Variants in ERAP1 observed in about 807,000 individuals in gnomAD.
The protein encoded by ERAP1 is adipocyte-derived leucine aminopeptidase.
In ERAP1, 86 loss-of-function variants were observed where a neutral mutation model predicts 103.7. The observed-to-expected ratio is 0.83, with a 90% CI of 0.70 to 0.99. The LOEUF (loss-of-function observed/expected upper bound fraction) is 0.99. Among genes scored for constraint, ERAP1 ranks in the 50% least tolerant of loss-of-function variants. The pLI is 0.00. For missense variants in ERAP1, 1,009 were observed against 1,128.4 expected, an observed-to-expected ratio of 0.89 and a Z score of 1.52; for synonymous variants, 398 against 402.4, an observed-to-expected ratio of 0.99 and a Z score of 0.13.
At chr5:96,903,384 G>A in the ERAP1 span, 1 of 1,611,648 alleles carries the variant, frequency 6.2e-7, no homozygotes. Flanking sequence ...TAGATACTCT[G>A]GATCTACCTG....
At chr5:96,786,670 A>G (rs1776045368) in intron 11 of ERAP1, 121 bp from the exon 12 acceptor site, 2 of 683,024 alleles carry the variant, frequency 2.9e-6, no homozygotes, top group Non-Finnish European at 5.3e-6. Context: ...AAACTGCTAC[A>G]GCCAAGCTCT....
chr5:96,893,503 G>C, the ERAP1 span, among the ~76,000 whole-genome samples: 1 of 152,140 alleles, frequency 6.6e-6, no homozygotes, highest in African/African-American at 2.4e-5. Flanking sequence ...TAGGTGTTTT[G>C]ATCATGAGTC....
chr5:96,901,188 G>GTTTT, the ERAP1 span, among the ~76,000 whole-genome samples: 70,465 of 147,150 alleles, frequency 0.48, 16,617 homozygotes, highest in East Asian at 0.55. Flanking sequence ...TTGTTTGTTT[G>GTTTT]ATTTTGTTTG....
At chr5:96,930,650 C>A in the ERAP1 span, among the ~76,000 whole-genome samples, 1 of 152,120 alleles carries the variant, frequency 6.6e-6, no homozygotes, top group Non-Finnish European at 1.5e-5. Context: ...CTTTTCCTTT[C>A]TGAATGGAAA....
the ERAP1 span, among the ~76,000 whole-genome samples, chr5:96,829,315 T>C: frequency 1.3e-5 from 2 of 152,222 alleles, no homozygotes; most frequent in African/African-American, 4.8e-5. Flanking sequence ...ATATGATTAC[T>C]TATAAGATCG....
the ERAP1 span, among the ~76,000 whole-genome samples, chr5:96,825,832 C>T: frequency 6.8e-6 from 1 of 146,036 alleles, no homozygotes; most frequent in Non-Finnish European, 1.5e-5. Context: ...TCATAAGATG[C>T]CATCAATTTC....
At chr5:96,767,884 G>C (rs1291643752) in intron 19 of ERAP1, 1 of 1,521,610 alleles carries the variant, frequency 6.6e-7, no homozygotes, top group Non-Finnish European at 9.1e-7. Flanking sequence ...CTTCACTGAT[G>C]GTTATTTCTA....
At chr5:96,833,666 T>C in the ERAP1 span, among the ~76,000 whole-genome samples, 2 of 151,898 alleles carry the variant, frequency 1.3e-5, no homozygotes, top group Admixed American at 6.6e-5. Context: ...AGCATGGTGG[T>C]GCGTGCCTGT....
At chr5:96,889,389 T>C in the ERAP1 span, 2 of 1,460,240 alleles carry the variant, frequency 1.4e-6, no homozygotes, top group Non-Finnish European at 1.9e-6. Flanking sequence ...TTCTATGTGA[T>C]TTAAATGAGC....
chr5:96,878,768 A>C, the ERAP1 span, among the ~76,000 whole-genome samples: 1 of 152,190 alleles, frequency 6.6e-6, no homozygotes, highest in South Asian at 2.1e-4. Flanking sequence ...TCTCTACTAA[A>C]AATACAAAAA....
At chr5:96,845,700 C>T in the ERAP1 span, among the ~76,000 whole-genome samples, 1 of 126,486 alleles carries the variant, frequency 7.9e-6, no homozygotes, top group Non-Finnish European at 1.8e-5. Context: ...TCTGCAATTT[C>T]CTGTATGATC....
At position 96,780,428 on chromosome 5, in the gene ERAP1, C is replaced by CA. The variant is rs751633504; in HGVS notation, c.2664dup (p.Glu889Ter). 14 of 1,599,470 alleles carry CA rather than the reference C, an allele frequency of 8.8e-6. No homozygotes were observed. Among genetic ancestry groups the CA allele is most frequent in the Admixed American group, 1.7e-5 (1 of 58,774 alleles). On this transcript the variant is annotated frameshift_variant, in exon 18 of 19. Transcript: ENST00000443439. LOFTEE classifies it high-confidence loss of function. ...TATAGATTTTTTTTTTTTACCTCTT[C>CA]AAGCCGTGTTCTTGTGGAGAATTGA...
At chr5:96,868,200 C>A in the ERAP1 span, among the ~76,000 whole-genome samples, 2 of 152,160 alleles carry the variant, frequency 1.3e-5, no homozygotes, top group African/African-American at 4.8e-5. Flanking sequence ...CAGCCCAGCC[C>A]TCCATGTGCA....
chr5:96,843,861 G>A, the ERAP1 span, among the ~76,000 whole-genome samples: 1 of 152,098 alleles, frequency 6.6e-6, no homozygotes, highest in Non-Finnish European at 1.5e-5. Context: ...TTTAAACCAA[G>A]CTTTTCTTTC....
the ERAP1 span, among the ~76,000 whole-genome samples, chr5:96,890,926 A>C: frequency 6.6e-6 from 1 of 152,224 alleles, no homozygotes; most frequent in African/African-American, 2.4e-5. Flanking sequence ...GCAGTCTTAA[A>C]GAGCATATGA....
the ERAP1 span, among the ~76,000 whole-genome samples, chr5:96,891,365 ATATG>A: frequency 4.3e-5 from 4 of 93,502 alleles, no homozygotes; most frequent in Admixed American, 2.5e-4. Context: ...GTGTATATAT[ATATG>A]TGTATATATA....
chr5:96,885,972 T>G, the ERAP1 span, among the ~76,000 whole-genome samples: 2 of 152,216 alleles, frequency 1.3e-5, no homozygotes, highest in African/African-American at 2.4e-5. Context: ...CCTGACTGCT[T>G]TCATTGCTGA....
chr5:96,891,369 G>GTA, the ERAP1 span, among the ~76,000 whole-genome samples: 788 of 34,392 alleles, frequency 0.023, 11 homozygotes, highest in African/African-American at 0.062. Flanking sequence ...ATATATATAT[G>GTA]TGTATATATA....
chr5:96,922,293 G>T, the ERAP1 span, among the ~76,000 whole-genome samples: 1 of 152,092 alleles, frequency 6.6e-6, no homozygotes, highest in African/African-American at 2.4e-5. Context: ...GAGAGACTCC[G>T]TCTCAAAAAA....
Sources: gnomAD v4.1 joint callset for allele counts (sites outside exome capture counted in the v4.1 genomes callset) on GRCh38, gnomAD v4.1.1 for gene constraint, MANE v1.5 for transcripts, NCBI Gene and HGNC (gene_info 2026-07-23, HGNC 2026-07-21) for gene names.